TMEM272: variants seen among roughly 807,000 people sequenced by gnomAD.
The protein encoded by TMEM272 is transmembrane protein 272.
In TMEM272, 8 loss-of-function variants were observed where a neutral mutation model predicts 3.7. That is an observed-to-expected ratio of 2.17 (90% confidence interval 1.27 to 3.91). TMEM272 has a LOEUF of 3.91. TMEM272 is among the 30% of genes most tolerant of loss of function. TMEM272 has a pLI of 0.00. For synonymous variants in TMEM272, 63 were observed against 39.8 expected, an observed-to-expected ratio of 1.58 and a Z score of -2.20; for missense variants, 166 against 91.5, an observed-to-expected ratio of 1.81 and a Z score of -3.32.
the TMEM272 span, among the ~76,000 whole-genome samples, chr13:51,920,405 C>G: frequency 1.3e-5 from 2 of 152,190 alleles, no homozygotes; most frequent in Non-Finnish European, 2.9e-5. Flanking sequence ...CTGGGTAGGG[C>G]ATGGCCTCTT....
chr13:51,869,418 A>G, the TMEM272 span, among the ~76,000 whole-genome samples: 1 of 152,110 alleles, frequency 6.6e-6, no homozygotes, highest in Non-Finnish European at 1.5e-5. Flanking sequence ...CCTTGTCCCT[A>G]AATTAAAACT....
chr13:51,867,583 CTG>C, the TMEM272 span, among the ~76,000 whole-genome samples: 162 of 152,282 alleles, frequency 1.1e-3, no homozygotes, highest in Non-Finnish European at 2.1e-3. Context: ...AGCCAGGCCT[CTG>C]AGGCTTCAGA....
the TMEM272 span, chr13:51,866,338 C>T: frequency 3.5e-3 from 1,401 of 395,294 alleles, 4 homozygotes; most frequent in Non-Finnish European, 5.6e-3. Flanking sequence ...CTCCCAGTGA[C>T]CCCAGCCTGT....
chr13:51,841,418 A>G (rs2139589467), intron 1 of TMEM272, among the ~76,000 whole-genome samples: 1 of 152,346 alleles, frequency 6.6e-6, no homozygotes, highest in African/African-American at 2.4e-5. Flanking sequence ...CAGCGCCTAC[A>G]AACTAAGACA....
chr13:51,842,667 A>G (rs748823656), intron 1 of TMEM272, among the ~76,000 whole-genome samples: 10 of 152,256 alleles, frequency 6.6e-5, no homozygotes, highest in South Asian at 4.1e-4. Flanking sequence ...GCATATGTGC[A>G]TGTACACACA....
At chr13:51,933,302 G>A in the TMEM272 span, 15 of 152,306 alleles carry the variant, frequency 9.8e-5, no homozygotes, top group African/African-American at 3.6e-4. Context: ...CAGCCTCTTG[G>A]AGCCTGTTTC....
intron 3 of TMEM272, among the ~76,000 whole-genome samples, chr13:51,822,646 C>A (rs1368229023): frequency 6.6e-6 from 1 of 152,218 alleles, no homozygotes; most frequent in Non-Finnish European, 1.5e-5. Context: ...GTGCAGCAAG[C>A]CCTCTGCCGT....
the TMEM272 span, among the ~76,000 whole-genome samples, chr13:51,881,265 T>C: frequency 6.6e-6 from 1 of 152,076 alleles, no homozygotes; most frequent in Non-Finnish European, 1.5e-5. Context: ...ACAGGGTAAA[T>C]TGTCATTCAC....
chr13:51,918,266 C>A, the TMEM272 span, among the ~76,000 whole-genome samples: 1 of 152,212 alleles, frequency 6.6e-6, no homozygotes, highest in South Asian at 2.1e-4. Flanking sequence ...TGTTCTCCAT[C>A]CTGGAACTTT....
At chr13:51,841,178 G>C (rs1474980734) in intron 1 of TMEM272, among the ~76,000 whole-genome samples, 1 of 152,260 alleles carries the variant, frequency 6.6e-6, no homozygotes, top group Non-Finnish European at 1.5e-5. Flanking sequence ...TAAAGGCCCG[G>C]AAGGTCGGTT....
the TMEM272 span, chr13:51,910,452 A>C: frequency 1.1e-6 from 1 of 871,318 alleles, no homozygotes; most frequent in Non-Finnish European, 2.0e-6. Flanking sequence ...CCACAAAAAA[A>C]AGGGAACAGC....
At chr13:51,909,094 C>T in the TMEM272 span, 5 of 1,471,922 alleles carry the variant, frequency 3.4e-6, no homozygotes, top group Non-Finnish European at 3.8e-6. Context: ...TGCTCTCTGC[C>T]AAATGCTGTA....
the TMEM272 span, among the ~76,000 whole-genome samples, chr13:51,904,400 TTGA>T: frequency 3.4e-4 from 51 of 152,166 alleles, no homozygotes; most frequent in Admixed American, 5.2e-4. Context: ...GTAATTGTTG[TTGA>T]TGATGATGAT....
At chr13:51,889,385 G>T in the TMEM272 span, among the ~76,000 whole-genome samples, 3 of 152,126 alleles carry the variant, frequency 2.0e-5, no homozygotes, top group African/African-American at 7.2e-5. Context: ...GAGGTCATAA[G>T]GGTGAGACCC....
At chr13:51,865,885 C>A in the TMEM272 span, 1 of 1,613,526 alleles carries the variant, frequency 6.2e-7, no homozygotes, top group East Asian at 2.2e-5. Flanking sequence ...AGGAAAGAGC[C>A]CTCCTTGAGG....
chr13:51,853,279 G>A, the TMEM272 span, among the ~76,000 whole-genome samples: 2 of 152,048 alleles, frequency 1.3e-5, no homozygotes, highest in Non-Finnish European at 2.9e-5. Flanking sequence ...GCTTCGTGGC[G>A]CATGCCAGTA....
chr13:51,865,698 T>G, the TMEM272 span: 9 of 1,614,104 alleles, frequency 5.6e-6, no homozygotes, highest in Middle Eastern at 1.6e-4. Flanking sequence ...GAAAAATCCT[T>G]CTGGGAAATG....
intron 4 of TMEM272, 121 bp downstream of exon 4, chr13:51,821,934 C>G (rs988101120): frequency 2.9e-6 from 2 of 686,088 alleles, no homozygotes; most frequent in East Asian, 2.7e-5. Flanking sequence ...CTTCAGCAAC[C>G]ACGCTTAGGG....
the TMEM272 span, among the ~76,000 whole-genome samples, chr13:51,899,401 GT>G: frequency 6.6e-6 from 1 of 152,154 alleles, no homozygotes; most frequent in South Asian, 2.1e-4. Flanking sequence ...CGACTGAAAG[GT>G]TTTTCCAGTG....
Sources: allele counts gnomAD v4.1 joint callset (sites outside exome capture counted in the v4.1 genomes callset), GRCh38; gene constraint gnomAD v4.1.1; transcripts MANE v1.5; gene names NCBI Gene and HGNC (gene_info 2026-07-23, HGNC 2026-07-21).